MPPE1: variants seen among roughly 807,000 people sequenced by gnomAD.
MPPE1 encodes the protein metallo phosphoesterase.
MPPE1 carries 28 observed loss-of-function variants against 43.8 expected under a neutral mutation model. The ratio of observed to expected loss-of-function variants is 0.64; its 90% CI spans 0.47 to 0.88. The LOEUF (loss-of-function observed/expected upper bound fraction) is 0.88. MPPE1 is among the 40% of genes least tolerant of loss of function. The pLI, the probability that MPPE1 is intolerant of heterozygous loss-of-function variation, is 0.00. For synonymous variants in MPPE1, 159 were observed against 188.5 expected (o/e 0.84, Z 1.28); for missense variants, 428 against 492.2 (o/e 0.87, Z 1.23).
chr18:11,887,094 T>G, intron 6 of MPPE1, 69 bp from the exon 7 acceptor site: 3 of 1,168,338 alleles, frequency 2.6e-6, no homozygotes, highest in Non-Finnish European at 3.7e-6. Context: ...ACTGTTCCCA[T>G]GAAAAGAAAG....
rs662515 is a variant in MPPE1, at chr18:11,886,564, C to G, written c.802G>C (p.Ala268Pro). 491,751 of 1,613,914 alleles carry G rather than the reference C, an allele frequency of 0.3. 87,013 individuals carry two copies. Among genetic ancestry groups the G allele is most frequent in the African/African-American group, 0.74 (55,435 of 74,968 alleles). The change falls in exon 9 of 11, where the codon GCA (alanine) becomes CCA (proline). Residue 268 changes from alanine (A) to proline (P), a missense_variant. Transcript: ENST00000588072. This position sits in a 1 kb window ranked among gnomAD's most constrained non-coding sequence, Gnocchi z 4.1. ...ANCSGEDAAP[A>P]EERDIPFKEN... ...TTAAATGGGATGTCCCTTTCCTCTG[C>G]AGGAGCAGCGTCTTCCCCAGAACAG...
Position 11,887,105 on chromosome 18 carries a change from C to CTA in MPPE1, c.570-82_570-81dup, listed in dbSNP as rs1434701557. 5.8e-6 allele frequency: 6 copies of CTA among 1,037,890 alleles called. No homozygotes were observed. The East Asian group carries it at 1.2e-4, about 22-fold the overall frequency. The allele number at this position is 1,037,890 out of a possible 1,614,324, so 64.3% of individuals were successfully genotyped here. A position where few individuals can be genotyped will look rare whatever the true frequency, so the allele number is the denominator to read the frequency against. On this transcript the variant is annotated intron_variant, in intron 6 of 10. Transcript: ENST00000588072. ...CCCTACTGTTCCCATGAAAAGAAAG[C>CTA]TAAGCATCCAGTGCAAAGAAACAAG...
At chr18:11,884,871 A>G in intron 10 of MPPE1, 2 of 1,348,984 alleles carry the variant, frequency 1.5e-6, no homozygotes, top group African/African-American at 2.9e-5. Flanking sequence ...AATGTCTGGG[A>G]CACTGACCTG....
intron 2 of MPPE1, chr18:11,905,537 C>T (rs1455548198): frequency 6.6e-6 from 1 of 152,144 alleles, no homozygotes; most frequent in Non-Finnish European, 1.5e-5. Context: ...ATGGCACCAG[C>T]ATTAGGTAAT....
intron 1 of MPPE1, 30 bp downstream of exon 1, chr18:11,908,171 A>G (rs1010694973): frequency 2.6e-5 from 4 of 152,228 alleles, no homozygotes; most frequent in African/African-American, 9.6e-5. Flanking sequence ...AGAAGTTTAA[A>G]TGTTGTCACA....
rs971537471 is a variant in MPPE1, at chr18:11,883,382, T to C, written c.*1063A>G. 2.6e-5 allele frequency: 4 copies of C among 153,288 alleles called. No homozygotes were observed. The highest frequency in any genetic ancestry group is 4.4e-5 in the Non-Finnish European group (3 of 68,032). The allele number at this position is 153,288 out of a possible 1,614,324, so 9.5% of individuals were successfully genotyped here. A position where few individuals can be genotyped will look rare whatever the true frequency, so the allele number is the denominator to read the frequency against. On this transcript the variant is annotated 3_prime_UTR_variant, in exon 11 of 11. Coordinates refer to ENST00000588072, the MANE Select transcript of MPPE1 (RefSeq NM_023075.6). The stretch of plus-strand genomic sequence containing the variant: ...AGTATGCTGTTGTATGCATCATTAC[T>C]CAACAATTACCCTCTAACTAAACAT...
intron 5 of MPPE1, 152 bp downstream of exon 5, chr18:11,889,235 C>T: frequency 1.9e-6 from 1 of 531,864 alleles, no homozygotes; most frequent in South Asian, 2.8e-5. Context: ...CAAGTAAAAA[C>T]CCCTTAAAGA....
chr18:11,897,133 T>C lies in MPPE1; in HGVS notation c.132A>G (p.Leu44=), dbSNP rs138727742. 1.1e-3 allele frequency: 1,637 copies of C among 1,433,888 alleles called. 2 individuals are homozygous for C. Among genetic ancestry groups the C allele is most frequent in the Non-Finnish European group, 1.5e-3 (1,505 of 1,029,428 alleles). The allele number at this position is 1,433,888 out of a possible 1,614,324, so 88.8% of individuals were successfully genotyped here. ...CAGGCCAATTACACTGAAAGATCGC[T>C]AAGTAATAGATTAAAAATTCACAAA... ...LLFCEFLIYY[L]AIFQCNWPEV... The change falls in exon 3 of 11, where the codon TTA becomes TTG. Residue 44 remains leucine (L), a synonymous_variant. Coordinates refer to ENST00000588072, the MANE Select transcript of MPPE1 (RefSeq NM_023075.6).
At chr18:11,903,361 A>AC (rs1458791761) in intron 2 of MPPE1, among the ~76,000 whole-genome samples, 1 of 152,146 alleles carries the variant, frequency 6.6e-6, no homozygotes, top group Non-Finnish European at 1.5e-5. Context: ...GCATGCGTAC[A>AC]ACTTCCTAAA....
chr18:11,885,890 G>A lies in MPPE1; in HGVS notation c.868-74C>T, dbSNP rs749878369. 136 of 1,407,070 alleles carry A rather than the reference G, an allele frequency of 9.7e-5. 2 individuals carry two copies. In the African/African-American group the frequency reaches 1.7e-3, roughly 17 times the overall value. The allele number at this position is 1,407,070 out of a possible 1,614,324, so 87.2% of individuals were successfully genotyped here. A position where few individuals can be genotyped will look rare whatever the true frequency, so the allele number is the denominator to read the frequency against. On this transcript the variant is annotated intron_variant, in intron 9 of 10. Coordinates refer to ENST00000588072, the MANE Select transcript of MPPE1 (RefSeq NM_023075.6). ...ACCAGGCTCTCACCGCTCAGCAGAC[G>A]GCCGCTGGCCATCGCTTCTTTCCTT...
chr18:11,898,226 G>A (rs1056253256), intron 2 of MPPE1, among the ~76,000 whole-genome samples: 29 of 147,902 alleles, frequency 2.0e-4, no homozygotes, highest in African/African-American at 6.8e-4. Flanking sequence ...TCGTCACCAC[G>A]TCCAGCTAAT....
At chr18:11,884,798 AC>A in intron 10 of MPPE1, 171 bp from the exon 11 acceptor site, 2 of 1,372,808 alleles carry the variant, frequency 1.5e-6, no homozygotes, top group South Asian at 1.5e-5. Context: ...TGCACAGCTC[AC>A]CCCCGACCAG....
intron 4 of MPPE1, among the ~76,000 whole-genome samples, chr18:11,891,825 T>C (rs920495783): frequency 6.6e-6 from 1 of 152,188 alleles, no homozygotes; most frequent in African/African-American, 2.4e-5. Flanking sequence ...TTGATTTTTA[T>C]CTTGATTTTT....
At chr18:11,892,598 G>A (rs531017234) in intron 4 of MPPE1, among the ~76,000 whole-genome samples, 418 of 151,552 alleles carry the variant, frequency 2.8e-3, no homozygotes, top group African/African-American at 9.5e-3. Context: ...GCTTGAACCT[G>A]GGAGGCAGAG....
chr18:11,884,622 G>A lies in MPPE1; in HGVS notation c.1014C>T (p.Ser338=). 6.2e-7 allele frequency: 1 copy of A among 1,613,310 alleles called. No homozygotes were observed. The highest frequency in any genetic ancestry group is 1.1e-5 in the South Asian group (1 of 91,058). The change falls in exon 11 of 11, where the codon AGC becomes AGT. Residue 338 remains serine, a synonymous_variant. Coordinates refer to ENST00000588072, the MANE Select transcript of MPPE1 (RefSeq NM_023075.6). ...AGAGGGTGTAGTCTGTGGGCGTGAT[G>A]CTACCCTGGAAAGGAGAAGGGAAAG... is the stretch of plus-strand genomic sequence containing the variant. ...NRNNPSFIMG[S]ITPTDYTLSK...
chr18:11,905,837 A>G (rs532335170), intron 2 of MPPE1: 1 of 152,328 alleles, frequency 6.6e-6, no homozygotes, highest in Admixed American at 6.5e-5. Context: ...TACCACCAGC[A>G]GAGAGGGCAG....
chr18:11,898,421 T>A (rs1384289645), intron 2 of MPPE1, among the ~76,000 whole-genome samples: 3 of 151,988 alleles, frequency 2.0e-5, no homozygotes, highest in African/African-American at 4.8e-5. Context: ...GTCTACTCCC[T>A]GTTCTGAGGC....
intron 4 of MPPE1, chr18:11,891,277 CA>C (rs1567943297): frequency 6.6e-6 from 1 of 152,124 alleles, no homozygotes. Context: ...AGTTTGAGAC[CA>C]GCCTGGCCAA....
intron 2 of MPPE1, among the ~76,000 whole-genome samples, chr18:11,898,864 T>C (rs955710350): frequency 6.6e-6 from 1 of 152,018 alleles, no homozygotes; most frequent in Non-Finnish European, 1.5e-5. Context: ...AGAAACTGAT[T>C]TGAGTAATAA....
Sources: allele counts gnomAD v4.1 joint callset (sites outside exome capture counted in the v4.1 genomes callset), GRCh38; gene constraint gnomAD v4.1.1; non-coding constraint Gnocchi (gnomAD v3.1); transcripts MANE v1.5; gene names NCBI Gene and HGNC (gene_info 2026-07-23, HGNC 2026-07-21).